DSCAM: variants seen among roughly 807,000 people sequenced by gnomAD.
The protein encoded by DSCAM is cell adhesion molecule DSCAM.
A neutral mutation model predicts 217.7 loss-of-function variants in DSCAM; 47 were observed. The ratio of observed to expected loss-of-function variants is 0.22; its 90% CI spans 0.17 to 0.28. DSCAM has a LOEUF of 0.28. DSCAM is among the 10% of genes least tolerant of loss of function. The pLI is 1.00. For synonymous variants in DSCAM, 1,056 were observed against 1,015.3 expected, an observed-to-expected ratio of 1.04 and a Z score of -0.76; for missense variants, 2,080 against 2,618.3, an observed-to-expected ratio of 0.79 and a Z score of 4.49.
chr21:40,798,880 A>T (rs1465344917), intron 1 of DSCAM, among the ~76,000 whole-genome samples: 1 of 152,136 alleles, frequency 6.6e-6, no homozygotes, highest in Admixed American at 6.5e-5. Flanking sequence ...ATACAAAATT[A>T]AAGAGATTAA....
At chr21:40,778,247 T>C (rs931818458) in intron 1 of DSCAM, among the ~76,000 whole-genome samples, 3 of 152,090 alleles carry the variant, frequency 2.0e-5, no homozygotes, top group African/African-American at 7.2e-5. Flanking sequence ...TCCAAAGAAA[T>C]AACATCTGAA....
chr21:40,756,169 G>C (rs545650896), intron 1 of DSCAM, among the ~76,000 whole-genome samples: 1 of 152,136 alleles, frequency 6.6e-6, no homozygotes, highest in Non-Finnish European at 1.5e-5. Context: ...TCACGATAAT[G>C]AGTGAGTTCT....
intron 2 of DSCAM, among the ~76,000 whole-genome samples, chr21:40,704,723 T>C (rs1259759049): frequency 6.6e-6 from 1 of 152,008 alleles, no homozygotes; most frequent in East Asian, 1.9e-4. Context: ...CTCAAAAATA[T>C]TAAAGAACAG....
intron 20 of DSCAM, among the ~76,000 whole-genome samples, chr21:40,107,716 T>G (rs1229688410): frequency 6.6e-6 from 1 of 152,184 alleles, no homozygotes; most frequent in Non-Finnish European, 1.5e-5. Context: ...TTAGGATAGT[T>G]AGATCTTCTT....
chr21:40,115,426 A>G (rs979815733), intron 20 of DSCAM, among the ~76,000 whole-genome samples: 1 of 152,100 alleles, frequency 6.6e-6, no homozygotes, highest in African/African-American at 2.4e-5. Flanking sequence ...GGGTGCGGGG[A>G]CGGGGGAGGA....
intron 11 of DSCAM, among the ~76,000 whole-genome samples, chr21:40,227,157 G>GA (rs898916193): frequency 1.1e-4 from 16 of 151,070 alleles, no homozygotes; most frequent in East Asian, 9.7e-4. Context: ...GCTCTAGGAG[G>GA]AAAAAAAAAT....
intron 3 of DSCAM, among the ~76,000 whole-genome samples, chr21:40,415,009 C>T (rs1361758493): frequency 1.3e-5 from 2 of 152,062 alleles, no homozygotes; most frequent in Admixed American, 1.3e-4. Context: ...ACAACATTTT[C>T]CAGGATCAAA....
At chr21:40,591,784 A>G (rs2837732) in intron 3 of DSCAM, among the ~76,000 whole-genome samples, 69,648 of 152,082 alleles carry the variant, frequency 0.46, 16,634 homozygotes, top group Admixed American at 0.55. Flanking sequence ...ATACGTTGGC[A>G]ATACAAATGG....
intron 27 of DSCAM, among the ~76,000 whole-genome samples, chr21:40,073,626 C>T (rs1257154630): frequency 6.6e-6 from 1 of 152,150 alleles, no homozygotes; most frequent in Non-Finnish European, 1.5e-5. Flanking sequence ...CTTTTCCTCT[C>T]CACTTGGGAT....
In DSCAM at chr21:40,012,091, G is replaced by A. The variant is rs1165149500; in HGVS notation, c.*943C>T. 1 of 152,208 alleles carries A rather than the reference G, an allele frequency of 6.6e-6. No homozygotes were observed. Among genetic ancestry groups the A allele is most frequent in the African/African-American group, 2.4e-5 (1 of 41,444 alleles). 9.4% of individuals were successfully genotyped at this position (152,208 alleles called of 1,614,324 possible). On this transcript the variant is annotated 3_prime_UTR_variant, in exon 33 of 33. Transcript: ENST00000400454. ...AAACTTTATTTAAAAAACAGCAGGA[G>A]GCTGGATTTGGCCCATAGGCCACAG...
chr21:40,072,324 C>A (rs1370041466), intron 27 of DSCAM, among the ~76,000 whole-genome samples: 2 of 151,730 alleles, frequency 1.3e-5, no homozygotes, highest in Non-Finnish European at 2.9e-5. Context: ...CAATCCTTGG[C>A]ATCCTGACCG....
At chr21:40,778,910 G>A (rs1473404785) in intron 1 of DSCAM, among the ~76,000 whole-genome samples, 3 of 152,010 alleles carry the variant, frequency 2.0e-5, no homozygotes, top group Non-Finnish European at 4.4e-5. Flanking sequence ...TGTAATCCCA[G>A]CTACTCGGTA....
At chr21:40,323,033 CCA>C (rs1324237066) in intron 8 of DSCAM, among the ~76,000 whole-genome samples, 1 of 152,106 alleles carries the variant, frequency 6.6e-6, no homozygotes, top group Non-Finnish European at 1.5e-5. Context: ...CCCACTTCAC[CCA>C]AGGACAGGCT....
chr21:40,750,565 A>T (rs1028696668), intron 1 of DSCAM, among the ~76,000 whole-genome samples: 1 of 152,084 alleles, frequency 6.6e-6, no homozygotes, highest in Admixed American at 6.6e-5. Flanking sequence ...TATCATCTCC[A>T]GGCTGGCAGC....
chr21:40,486,101 C>A (rs981981321), intron 3 of DSCAM, among the ~76,000 whole-genome samples: 2 of 152,182 alleles, frequency 1.3e-5, no homozygotes, highest in African/African-American at 4.8e-5. Context: ...CTCCCTGATT[C>A]CTAGAGGTCA....
At chr21:40,476,292 T>C (rs937433829) in intron 3 of DSCAM, among the ~76,000 whole-genome samples, 1 of 152,220 alleles carries the variant, frequency 6.6e-6, no homozygotes, top group Non-Finnish European at 1.5e-5. Context: ...GAGCTACAGC[T>C]CAGCCATTCA....
intron 16 of DSCAM, among the ~76,000 whole-genome samples, chr21:40,153,241 C>T (rs1034528974): frequency 6.6e-6 from 1 of 152,184 alleles, no homozygotes; most frequent in Non-Finnish European, 1.5e-5. Flanking sequence ...CTGTTCTACA[C>T]AAGGCATGGC....
At chr21:40,309,930 T>A (rs2074119608) in intron 9 of DSCAM, among the ~76,000 whole-genome samples, 1 of 152,204 alleles carries the variant, frequency 6.6e-6, no homozygotes. Context: ...AGTGCTGTGG[T>A]GGTTAAAGTC....
intron 20 of DSCAM, among the ~76,000 whole-genome samples, chr21:40,094,916 C>T (rs1037578698): frequency 6.6e-6 from 1 of 152,150 alleles, no homozygotes; most frequent in African/African-American, 2.4e-5. Flanking sequence ...TTTCCACAAA[C>T]AAATAGCCCA....
Sources: allele counts gnomAD v4.1 joint callset (sites outside exome capture counted in the v4.1 genomes callset), GRCh38; gene constraint gnomAD v4.1.1; transcripts MANE v1.5; gene names NCBI Gene and HGNC (gene_info 2026-07-23, HGNC 2026-07-21).